LCMT1: variants seen among roughly 807,000 people sequenced by gnomAD.
LCMT1 encodes leucine carboxyl methyltransferase 1.
In LCMT1, 32 loss-of-function variants were observed where a neutral mutation model predicts 47.7. The observed-to-expected ratio is 0.67, with a 90% CI of 0.51 to 0.90. The LOEUF (loss-of-function observed/expected upper bound fraction) is 0.90, where lower values mean the gene tolerates loss of function less well. Ranked by LOEUF, LCMT1 falls within the 40% of genes least tolerant of loss-of-function variation. The pLI, the probability that LCMT1 is intolerant of heterozygous loss-of-function variation, is 0.00. For synonymous variants in LCMT1, 152 were observed against 149.7 expected (o/e 1.02, Z -0.11); for missense variants, 375 against 415.2 (o/e 0.90, Z 0.84).
chr16:25,136,757 T>A (rs1387364996), intron 3 of LCMT1, among the ~76,000 whole-genome samples: 1 of 152,066 alleles, frequency 6.6e-6, no homozygotes, highest in Non-Finnish European at 1.5e-5. Flanking sequence ...CGGGCTGGTC[T>A]TGAACTCCTG....
intron 6 of LCMT1, among the ~76,000 whole-genome samples, chr16:25,162,192 C>T (rs1961451647): frequency 6.6e-6 from 1 of 152,170 alleles, no homozygotes; most frequent in South Asian, 2.1e-4. Flanking sequence ...AGTCTGGGAA[C>T]CGAGTCCAGC....
At chr16:25,174,743 G>T in intron 9 of LCMT1, 194 bp from the exon 10 acceptor site, 1 of 353,282 alleles carries the variant, frequency 2.8e-6, no homozygotes, top group Non-Finnish European at 5.1e-6. Context: ...TTTGTATTTT[G>T]ACTTTGTTTA....
chr16:25,178,025 C>T lies in LCMT1; in HGVS notation c.*2C>T, dbSNP rs749078303. On this transcript the variant is annotated 3_prime_UTR_variant, in exon 11 of 11. Coordinates refer to ENST00000399069, the MANE Select transcript of LCMT1 (RefSeq NM_016309.3). ...GGGCTGAAGGAGATAACTTATTAATCTGTCGAAGGCTTATGCCGAGCCAGA... is the reference window on the plus strand; with the variant it reads ...GGGCTGAAGGAGATAACTTATTAATTTGTCGAAGGCTTATGCCGAGCCAGA... 72 of 1,613,680 alleles carry T rather than the reference C, an allele frequency of 4.5e-5. No individual in the cohort carries two copies. The highest frequency in any genetic ancestry group is 5.9e-5 in the Non-Finnish European group (70 of 1,179,798).
intron 3 of LCMT1, among the ~76,000 whole-genome samples, chr16:25,135,153 A>G (rs1960465901): frequency 7.9e-5 from 12 of 152,132 alleles, no homozygotes; most frequent in Admixed American, 7.9e-4. Flanking sequence ...CCCTCCTAAG[A>G]AAAAGGCAGT....
chr16:25,140,956 T>A (rs569020929), intron 4 of LCMT1: 11 of 151,712 alleles, frequency 7.3e-5, no homozygotes, highest in Admixed American at 2.6e-4. Flanking sequence ...CCCTCTATTC[T>A]TAAGGAGAAA....
intron 7 of LCMT1, among the ~76,000 whole-genome samples, chr16:25,168,122 C>T (rs964319777): frequency 2.6e-5 from 4 of 151,978 alleles, no homozygotes; most frequent in African/African-American, 4.8e-5. Flanking sequence ...AATCTCAGCT[C>T]ACTGCAGCCT....
At chr16:25,167,826 T>A (rs1321452786) in intron 7 of LCMT1, among the ~76,000 whole-genome samples, 1 of 152,140 alleles carries the variant, frequency 6.6e-6, no homozygotes, top group Non-Finnish European at 1.5e-5. Flanking sequence ...AGTGGCACGA[T>A]CTTGGCTCAT....
In LCMT1 at chr16:25,132,559, T is replaced by C. The variant is rs79054260; in HGVS notation, c.327+36T>C. On this transcript the variant is annotated intron_variant, in intron 3 of 10. Coordinates refer to ENST00000399069, the MANE Select transcript of LCMT1 (RefSeq NM_016309.3). ...ATTCCCCTCCTCCCTCCCCAAGTGT[T>C]TAGATTTTTTTCGTTAGATTTTCAC... 1,682 of 1,600,348 alleles carry C rather than the reference T, an allele frequency of 1.1e-3. 22 individuals are homozygous for C. The East Asian group carries it at 0.018, about 17-fold the overall frequency.
chr16:25,113,127 C>T (rs562146766), intron 1 of LCMT1, among the ~76,000 whole-genome samples: 3 of 109,288 alleles, frequency 2.7e-5, no homozygotes, highest in East Asian at 5.4e-4. Flanking sequence ...GATGAGAGTG[C>T]GAGACTATGT....
intron 4 of LCMT1, chr16:25,140,725 T>C (rs1173014422): frequency 6.4e-6 from 1 of 155,408 alleles, no homozygotes; most frequent in Non-Finnish European, 1.4e-5. Flanking sequence ...GCTGGTTCTC[T>C]TGGTTAATGG....
At position 25,133,385 on chromosome 16, in the gene LCMT1, G is replaced by GTTTTTT. The variant is rs1177872054; in HGVS notation, c.327+887_327+892dup. 4.0e-4 allele frequency among the ~76,000 whole-genome samples: 21 copies of GTTTTTT among 52,618 alleles called. 2 individuals are homozygous for GTTTTTT. Among genetic ancestry groups the GTTTTTT allele is most frequent in the East Asian group, 1.7e-3 (2 of 1,206 alleles). The allele number at this position is 52,618 out of a possible 152,430, so 34.5% of individuals were successfully genotyped here. A position where few individuals can be genotyped will look rare whatever the true frequency, so the allele number is the denominator to read the frequency against. On this transcript the variant is annotated intron_variant, in intron 3 of 10. Transcript: ENST00000399069. ...TGTGGTCTTTGGCTCCTGGGCTTAGGTTTTTTTTTTTTTTTTTTTTTTTTT... is the reference window on the plus strand; with the variant it reads ...TGTGGTCTTTGGCTCCTGGGCTTAGGTTTTTTTTTTTTTTTTTTTTTTTTTTTTTTT...
chr16:25,135,088 A>C (rs1960464054), intron 3 of LCMT1, among the ~76,000 whole-genome samples: 1 of 152,126 alleles, frequency 6.6e-6, no homozygotes, highest in Non-Finnish European at 1.5e-5. Flanking sequence ...ATGGATTAAT[A>C]ATTAATAAAT....
intron 7 of LCMT1, 98 bp from the exon 8 acceptor site, chr16:25,169,014 C>T (rs910576332): frequency 1.7e-5 from 14 of 844,438 alleles, no homozygotes; most frequent in African/African-American, 1.3e-4. Context: ...CGTCATCAAG[C>T]GTCAGCCTCG....
intron 5 of LCMT1, among the ~76,000 whole-genome samples, chr16:25,157,562 T>TA (rs57016905): frequency 0.018 from 2,564 of 146,344 alleles, 68 homozygotes; most frequent in African/African-American, 0.061. Context: ...GCAACAACAA[T>TA]AAAAAAAAAA....
At chr16:25,126,712 G>A (rs1405989476) in intron 1 of LCMT1, among the ~76,000 whole-genome samples, 2 of 152,226 alleles carry the variant, frequency 1.3e-5, no homozygotes, top group Non-Finnish European at 2.9e-5. Context: ...AGTCCAGCAA[G>A]TTATGGCTTC....
At chr16:25,116,918 A>C (rs1218931091) in intron 1 of LCMT1, among the ~76,000 whole-genome samples, 1 of 151,810 alleles carries the variant, frequency 6.6e-6, no homozygotes, top group East Asian at 1.9e-4. Context: ...GATAAACCAG[A>C]AACTGGGGTT....
chr16:25,155,385 CATA>C (rs1381447016), intron 5 of LCMT1, among the ~76,000 whole-genome samples: 2 of 151,286 alleles, frequency 1.3e-5, no homozygotes, highest in Non-Finnish European at 3.0e-5. Flanking sequence ...GTCACAAAAA[CATA>C]AAAAAAAAAC....
At chr16:25,150,298 C>T (rs1361636544) in intron 4 of LCMT1, among the ~76,000 whole-genome samples, 1 of 145,340 alleles carries the variant, frequency 6.9e-6, no homozygotes, top group Non-Finnish European at 1.5e-5. Context: ...ACTGTGACTT[C>T]AAGCTCAAGA....
At chr16:25,128,004 G>C (rs1005437128) in intron 1 of LCMT1, among the ~76,000 whole-genome samples, 1 of 152,216 alleles carries the variant, frequency 6.6e-6, no homozygotes, top group Non-Finnish European at 1.5e-5. Context: ...AGAGTGAAAT[G>C]ATTGGCACCT....
Sources: gnomAD v4.1 joint callset for allele counts (sites outside exome capture counted in the v4.1 genomes callset) on GRCh38, gnomAD v4.1.1 for gene constraint, MANE v1.5 for transcripts, NCBI Gene and HGNC (gene_info 2026-07-23, HGNC 2026-07-21) for gene names.